Variants in FARS2 observed in about 807,000 individuals in gnomAD.
FARS2 encodes the protein phenylalanine--tRNA ligase, mitochondrial.
A neutral mutation model predicts 46.4 loss-of-function variants in FARS2; 40 were observed. The ratio of observed to expected loss-of-function variants is 0.86; its 90% CI spans 0.67 to 1.12. The LOEUF (loss-of-function observed/expected upper bound fraction) is 1.12, where lower values mean the gene tolerates loss of function less well. Among genes scored for constraint, FARS2 ranks in the 50% most tolerant of loss-of-function variants. The probability of loss-of-function intolerance (pLI) is 0.00; values close to 1 mark genes in which losing one functional copy is unlikely to be tolerated. For synonymous variants in FARS2, 234 were observed against 214.9 expected, an observed-to-expected ratio of 1.09 and a Z score of -0.78; for missense variants, 513 against 567.9, an observed-to-expected ratio of 0.90 and a Z score of 0.98.
intron 2 of FARS2, among the ~76,000 whole-genome samples, chr6:5,378,821 T>G (rs955189118): frequency 3.3e-5 from 5 of 152,236 alleles, no homozygotes; most frequent in African/African-American, 9.6e-5. Flanking sequence ...GTTCACATGT[T>G]TACGTAGTCC....
At chr6:5,621,239 A>T (rs1398268833) in intron 6 of FARS2, among the ~76,000 whole-genome samples, 1 of 149,132 alleles carries the variant, frequency 6.7e-6, no homozygotes, top group Non-Finnish European at 1.5e-5. Context: ...GGCATAGGCC[A>T]CCACACTTGG....
intron 4 of FARS2, among the ~76,000 whole-genome samples, chr6:5,485,291 A>T (rs1381246266): frequency 1.3e-5 from 2 of 152,166 alleles, no homozygotes; most frequent in Non-Finnish European, 2.9e-5. Flanking sequence ...ACATGAGATA[A>T]TGAATGCAAA....
chr6:5,727,656 C>A lies in FARS2; in HGVS notation c.1218-43635C>A, dbSNP rs1011509710. Among the ~76,000 whole-genome samples, 2 of 152,114 alleles carry A rather than the reference C, an allele frequency of 1.3e-5. No homozygotes were observed. Among genetic ancestry groups the A allele is most frequent in the African/African-American group, 2.4e-5 (1 of 41,428 alleles). On this transcript the variant is annotated intron_variant, in intron 6 of 6. Coordinates refer to ENST00000274680, the MANE Select transcript of FARS2 (RefSeq NM_006567.5). The surrounding 1 kb of genome is among the most constrained non-coding windows in gnomAD (Gnocchi z 4.1). ...GGCACCTATACATCTTTAATACACG[C>A]CCCAATTAATGAGTTAAGTCCAGAT... is the stretch of plus-strand genomic sequence containing the variant.
intron 6 of FARS2, among the ~76,000 whole-genome samples, chr6:5,653,398 T>G (rs1023869633): frequency 6.6e-6 from 1 of 152,228 alleles, no homozygotes; most frequent in Non-Finnish European, 1.5e-5. Context: ...GAAAAAATGT[T>G]TTACCAATTC....
At chr6:5,429,270 TAAG>T (rs896842901) in intron 3 of FARS2, among the ~76,000 whole-genome samples, 2 of 151,922 alleles carry the variant, frequency 1.3e-5, no homozygotes, top group African/African-American at 4.8e-5. Context: ...ACAGAGAAAA[TAAG>T]AGGGGGAAAT....
chr6:5,693,494 G>A (rs1200125724), intron 6 of FARS2, among the ~76,000 whole-genome samples: 1 of 152,204 alleles, frequency 6.6e-6, no homozygotes, highest in Non-Finnish European at 1.5e-5. Context: ...CAGAAGTTTT[G>A]CACTGCTTTG....
intron 4 of FARS2, among the ~76,000 whole-genome samples, chr6:5,516,801 A>G (rs1294125451): frequency 2.0e-5 from 3 of 152,332 alleles, no homozygotes; most frequent in East Asian, 1.9e-4. Flanking sequence ...CAAGGATATA[A>G]TATGTTTACT....
At chr6:5,446,318 G>T (rs2472866) in intron 4 of FARS2, among the ~76,000 whole-genome samples, 34,980 of 151,828 alleles carry the variant, frequency 0.23, 4,359 homozygotes, top group East Asian at 0.3. Context: ...TAGATTATTT[G>T]TCTGTGGAGC....
intron 2 of FARS2, among the ~76,000 whole-genome samples, chr6:5,392,099 C>G (rs78286164): frequency 0.011 from 1,652 of 152,252 alleles, 25 homozygotes; most frequent in African/African-American, 0.037. Context: ...AAGTGAGAGG[C>G]AGATACTTAG....
At chr6:5,399,721 A>C (rs893581778) in intron 2 of FARS2, among the ~76,000 whole-genome samples, 6 of 152,174 alleles carry the variant, frequency 3.9e-5, no homozygotes, top group Non-Finnish European at 2.9e-5. Flanking sequence ...AAAGGTAGCA[A>C]GTAATATATG....
intron 6 of FARS2, among the ~76,000 whole-genome samples, chr6:5,743,163 G>GA (rs1761448832): frequency 1.3e-5 from 2 of 152,148 alleles, no homozygotes; most frequent in African/African-American, 4.8e-5. Context: ...GAACCTTTAA[G>GA]GATGCCAATA....
At chr6:5,409,260 T>C (rs1449407196) in intron 3 of FARS2, among the ~76,000 whole-genome samples, 1 of 151,978 alleles carries the variant, frequency 6.6e-6, no homozygotes, top group African/African-American at 2.4e-5. Context: ...ACCTCCTGTC[T>C]AACATGGTGA....
intron 6 of FARS2, among the ~76,000 whole-genome samples, chr6:5,664,824 C>T (rs868403801): frequency 6.6e-6 from 1 of 152,192 alleles, no homozygotes; most frequent in East Asian, 1.9e-4. Context: ...GGCAGCTGGA[C>T]GGAGAAGAGA....
At chr6:5,590,095 C>T (rs797008446) in intron 5 of FARS2, among the ~76,000 whole-genome samples, 3 of 152,292 alleles carry the variant, frequency 2.0e-5, no homozygotes, top group African/African-American at 7.2e-5. Flanking sequence ...GTAAGGTTCT[C>T]AGTTCAGTAC....
intron 4 of FARS2, among the ~76,000 whole-genome samples, chr6:5,432,209 G>A (rs952338945): frequency 1.1e-4 from 16 of 146,654 alleles, no homozygotes; most frequent in East Asian, 4.0e-4. Context: ...CCAGCTACTC[G>A]GGAGGCTGAG....
chr6:5,731,544 A>G (rs749301092), intron 6 of FARS2, among the ~76,000 whole-genome samples: 5 of 152,072 alleles, frequency 3.3e-5, no homozygotes, highest in Non-Finnish European at 5.9e-5. Flanking sequence ...CACACACCGG[A>G]GTATGGTTTT....
chr6:5,318,441 G>T (rs1769720219), intron 1 of FARS2, among the ~76,000 whole-genome samples: 1 of 150,456 alleles, frequency 6.6e-6, no homozygotes, highest in South Asian at 2.1e-4. Context: ...CTTGGTGGAA[G>T]GTCAGTGCTG....
chr6:5,645,668 G>T (rs1326999003), intron 6 of FARS2, among the ~76,000 whole-genome samples: 2 of 152,232 alleles, frequency 1.3e-5, no homozygotes, highest in Non-Finnish European at 2.9e-5. Flanking sequence ...AAGGTGGCCT[G>T]CCCTGAGAAC....
chr6:5,546,520 G>A (rs565099291), intron 5 of FARS2, among the ~76,000 whole-genome samples: 99 of 151,880 alleles, frequency 6.5e-4, no homozygotes, highest in South Asian at 4.6e-3. Context: ...GAAGTGCTGG[G>A]ATTACAGGAG....
Sources: allele counts gnomAD v4.1 joint callset (sites outside exome capture counted in the v4.1 genomes callset), GRCh38; gene constraint gnomAD v4.1.1; non-coding constraint Gnocchi (gnomAD v3.1); transcripts MANE v1.5; gene names NCBI Gene and HGNC (gene_info 2026-07-23, HGNC 2026-07-21).